The following EIF2B3 variants were observed in gnomAD, a reference collection of about 807,000 sequenced individuals.
The protein encoded by EIF2B3 is translation initiation factor eIF2B subunit gamma.
A neutral mutation model predicts 54.1 loss-of-function variants in EIF2B3; 20 were observed. The observed-to-expected ratio is 0.37, with a 90% CI of 0.26 to 0.54. EIF2B3 has a LOEUF of 0.54. Among genes scored for constraint, EIF2B3 ranks in the 20% least tolerant of loss-of-function variants. The pLI is 0.86. For synonymous variants in EIF2B3, 153 were observed against 188.1 expected (o/e 0.81, Z 1.52); for missense variants, 448 against 547.8 (o/e 0.82, Z 1.82).
At chr1:44,922,064 G>A (rs1179590531) in intron 5 of EIF2B3, among the ~76,000 whole-genome samples, 2 of 150,540 alleles carry the variant, frequency 1.3e-5, no homozygotes, top group South Asian at 2.1e-4. Context: ...CCACAACCAC[G>A]CTCAGCTAAT....
At chr1:44,890,112 A>C (rs1334457222) in intron 6 of EIF2B3, among the ~76,000 whole-genome samples, 1 of 152,150 alleles carries the variant, frequency 6.6e-6, no homozygotes, top group Non-Finnish European at 1.5e-5. Context: ...CTCCTCACTG[A>C]GAGATAAGAC....
In EIF2B3 at chr1:44,881,806, T is replaced by G; in HGVS notation, c.657-67A>C. On this transcript the variant is annotated intron_variant, in intron 6 of 11. Transcript: ENST00000360403. The surrounding 1 kb of genome is among the most constrained non-coding windows in gnomAD (Gnocchi z 4.0). ...TGGAACATACCCGGATCAAAAGCTC[T>G]GTGCATACAAGGAAAAGCCAAATCC... 15 of 1,596,142 alleles carry G rather than the reference T, an allele frequency of 9.4e-6. No homozygotes were observed. The highest frequency in any genetic ancestry group is 1.3e-5 in the Non-Finnish European group (15 of 1,168,336).
intron 5 of EIF2B3, among the ~76,000 whole-genome samples, chr1:44,900,694 T>C (rs915935428): frequency 1.3e-5 from 2 of 152,122 alleles, no homozygotes; most frequent in Non-Finnish European, 2.9e-5. Context: ...CAGGCAATCA[T>C]TAATCTGCCT....
chr1:44,958,578 C>T, intron 3 of EIF2B3: 1 of 1,438,550 alleles, frequency 7.0e-7, no homozygotes, highest in Non-Finnish European at 9.7e-7. Flanking sequence ...TGAAGACATG[C>T]TACTTTGTAA....
chr1:44,934,633 T>C (rs1222074226), intron 4 of EIF2B3, among the ~76,000 whole-genome samples: 1 of 151,970 alleles, frequency 6.6e-6, no homozygotes, highest in Non-Finnish European at 1.5e-5. Context: ...GCCTCCCAAG[T>C]AGCTGGGATT....
At position 44,881,381 on chromosome 1, in the gene EIF2B3, A is replaced by G. The variant is rs965814363; in HGVS notation, c.784+231T>C. Among the ~76,000 whole-genome samples the G allele has an allele frequency of 3.9e-5, 6 of 152,242 alleles. No individual in the cohort carries two copies. The highest frequency in any genetic ancestry group is 1.4e-4 in the African/African-American group (6 of 41,470). On this transcript the variant is annotated intron_variant, in intron 7 of 11. Transcript: ENST00000360403. The surrounding 1 kb of genome is among the most constrained non-coding windows in gnomAD (Gnocchi z 4.0). ...CACAGCCAAACCAGAGCTATGAATC[A>G]GAGAATGGGGCTGGAGGCATGATTA...
chr1:44,859,462 G>T (rs1654542055), intron 10 of EIF2B3, among the ~76,000 whole-genome samples: 1 of 152,080 alleles, frequency 6.6e-6, no homozygotes, highest in Non-Finnish European at 1.5e-5. Flanking sequence ...TTTGAGGCCA[G>T]CCATGGCCAA....
chr1:44,942,671 A>C (rs1644048861), intron 3 of EIF2B3, among the ~76,000 whole-genome samples: 1 of 148,764 alleles, frequency 6.7e-6, no homozygotes, highest in South Asian at 2.1e-4. Flanking sequence ...CAAATGATCC[A>C]CTCACCTCGG....
Position 44,875,658 on chromosome 1 carries a change from G to A in EIF2B3, c.1013C>T (p.Pro338Leu), listed in dbSNP as rs1655100487. Residue 338 changes from proline to leucine, a missense_variant, in exon 9 of 12, where the codon CCA (proline) becomes CTA (leucine). Around this residue, in one of 3 missense-constraint regions of EIF2B3, gnomAD observed 350 missense variants for 414.2 expected, o/e 0.85. Coordinates refer to ENST00000360403, the MANE Select transcript of EIF2B3 (RefSeq NM_020365.5). ...KLLSALCPEE[P>L]PVHSSAQIVS... Reference sequence around the variant, plus strand: ...AATCTGGGCTGACGAATGGACTGGTGGTTCTTCTGGACAGAGAGCAGACAG... The same window carrying A: ...AATCTGGGCTGACGAATGGACTGGTAGTTCTTCTGGACAGAGAGCAGACAG... The A allele has an allele frequency of 6.2e-7, 1 of 1,614,052 alleles. No homozygotes were observed. Among genetic ancestry groups the A allele is most frequent in the African/African-American group, 1.3e-5 (1 of 74,920 alleles).
chr1:44,886,165 C>T (rs187627509), intron 6 of EIF2B3, among the ~76,000 whole-genome samples: 8 of 152,098 alleles, frequency 5.3e-5, no homozygotes, highest in Admixed American at 6.5e-5. Flanking sequence ...CTGCAACCTC[C>T]GCCTCCTGGG....
intron 10 of EIF2B3, among the ~76,000 whole-genome samples, chr1:44,873,869 C>T (rs1285469651): frequency 2.0e-5 from 3 of 151,524 alleles, no homozygotes; most frequent in Admixed American, 6.6e-5. Context: ...AGGCTAATCT[C>T]GAACTCCTGA....
chr1:44,967,201 C>T (rs2148957906), intron 3 of EIF2B3, among the ~76,000 whole-genome samples: 2 of 151,060 alleles, frequency 1.3e-5, no homozygotes, highest in Middle Eastern at 3.4e-3. Flanking sequence ...AATCCCAGCA[C>T]TTTGGGAGGC....
intron 3 of EIF2B3, among the ~76,000 whole-genome samples, chr1:44,976,772 T>C (rs572991744): frequency 3.0e-4 from 46 of 152,198 alleles, no homozygotes; most frequent in Non-Finnish European, 5.4e-4. Context: ...CTGAAAAATA[T>C]GTTGAACAAA....
At chr1:44,956,749 G>C (rs1644230517) in intron 3 of EIF2B3, among the ~76,000 whole-genome samples, 1 of 152,168 alleles carries the variant, frequency 6.6e-6, no homozygotes, top group Non-Finnish European at 1.5e-5. Context: ...ATGGGAAACT[G>C]AATAAGCATT....
intron 11 of EIF2B3, among the ~76,000 whole-genome samples, chr1:44,851,666 C>G (rs899275273): frequency 6.6e-6 from 1 of 151,814 alleles, no homozygotes; most frequent in African/African-American, 2.4e-5. Flanking sequence ...GTGGTGTGGC[C>G]AGAGAATAGG....
intron 5 of EIF2B3, among the ~76,000 whole-genome samples, chr1:44,904,642 T>C (rs1643380338): frequency 6.6e-6 from 1 of 152,154 alleles, no homozygotes; most frequent in Non-Finnish European, 1.5e-5. Flanking sequence ...GCCTCCTGAG[T>C]AGCTGGAACT....
chr1:44,866,816 A>C (rs1654799128), intron 10 of EIF2B3, among the ~76,000 whole-genome samples: 1 of 152,178 alleles, frequency 6.6e-6, no homozygotes, highest in African/African-American at 2.4e-5. Context: ...TGGCCTCCCA[A>C]AGTGTTGGGA....
chr1:44,978,378 A>G lies in EIF2B3; in HGVS notation c.231T>C (p.Cys77=). ...TTCCCATGTCAGCGTCATCAGGAAT[A>G]CACACAATATCTGGCTTCATTTTCA... is the stretch of plus-strand genomic sequence containing the variant. ...FKMKMKPDIV[C]IPDDADMGTA... is the part of the protein sequence containing the mutation. The change falls in exon 3 of 12, where the codon TGT becomes TGC. Residue 77 remains cysteine, a synonymous_variant. Transcript: ENST00000360403. 1 of 1,614,084 alleles carries G rather than the reference A, an allele frequency of 6.2e-7. No individual in the cohort carries two copies. The highest frequency in any genetic ancestry group is 8.5e-7 in the Non-Finnish European group (1 of 1,180,024).
chr1:44,941,214 TTTTG>T (rs950847287), intron 4 of EIF2B3, among the ~76,000 whole-genome samples: 4 of 152,190 alleles, frequency 2.6e-5, no homozygotes, highest in African/African-American at 9.7e-5. Context: ...TAAATTGGAT[TTTTG>T]TTTGTTTGTT....
Sources: gnomAD v4.1 joint callset for allele counts (sites outside exome capture counted in the v4.1 genomes callset) on GRCh38, gnomAD v4.1.1 for gene constraint, gnomAD v4.1.1 regional missense constraint, Gnocchi (gnomAD v3.1) non-coding constraint, MANE v1.5 for transcripts, NCBI Gene and HGNC (gene_info 2026-07-23, HGNC 2026-07-21) for gene names.